The following RASGEF1A variants were observed in gnomAD, a reference collection of about 807,000 sequenced individuals.
RASGEF1A encodes the protein ras-GEF domain-containing family member 1A.
A neutral mutation model predicts 56.4 loss-of-function variants in RASGEF1A; 18 were observed. That is an observed-to-expected ratio of 0.32 (90% CI 0.22 to 0.47). The LOEUF (loss-of-function observed/expected upper bound fraction) is 0.47. RASGEF1A is among the 20% of genes least tolerant of loss of function. The probability of loss-of-function intolerance (pLI) is 1.00; values close to 1 mark genes in which losing one functional copy is unlikely to be tolerated. For missense variants in RASGEF1A, 422 were observed against 627.1 expected, an observed-to-expected ratio of 0.67 and a Z score of 3.49; for synonymous variants, 245 against 242.6, an observed-to-expected ratio of 1.01 and a Z score of -0.09.
intron 1 of RASGEF1A, among the ~76,000 whole-genome samples, chr10:43,211,233 G>T (rs1343389018): frequency 6.6e-6 from 1 of 152,192 alleles, no homozygotes; most frequent in African/African-American, 2.4e-5. Context: ...GCTGGTGAGA[G>T]GGGTGCCCTC....
At chr10:43,231,975 T>C (rs1237996815) in intron 1 of RASGEF1A, among the ~76,000 whole-genome samples, 1 of 152,206 alleles carries the variant, frequency 6.6e-6, no homozygotes, top group Non-Finnish European at 1.5e-5. Context: ...ACACCTCCTT[T>C]AGGGGCAGGG....
intron 1 of RASGEF1A, among the ~76,000 whole-genome samples, chr10:43,220,194 G>A (rs1219229640): frequency 6.6e-6 from 1 of 152,198 alleles, no homozygotes; most frequent in Non-Finnish European, 1.5e-5. Context: ...AATGTGTTGT[G>A]GTCCTTAGGG....
intron 1 of RASGEF1A, among the ~76,000 whole-genome samples, chr10:43,215,103 G>A (rs1840117956): frequency 1.3e-5 from 2 of 152,212 alleles, no homozygotes; most frequent in Non-Finnish European, 2.9e-5. Flanking sequence ...ACCTGCAGAT[G>A]ATTCGGGGGA....
At chr10:43,241,825 A>C (rs1044004264) in intron 1 of RASGEF1A, among the ~76,000 whole-genome samples, 1 of 152,042 alleles carries the variant, frequency 6.6e-6, no homozygotes, top group Non-Finnish European at 1.5e-5. Flanking sequence ...CTTTAGAGAG[A>C]AGAACACAAA....
intron 1 of RASGEF1A, among the ~76,000 whole-genome samples, chr10:43,230,632 GA>G (rs1186202677): frequency 6.6e-6 from 1 of 152,308 alleles, no homozygotes; most frequent in South Asian, 2.1e-4. Context: ...TGCTCAGCTT[GA>G]ACCTCACAGA....
chr10:43,229,746 T>C (rs1407512336), intron 1 of RASGEF1A: 2 of 1,322,118 alleles, frequency 1.5e-6, no homozygotes, highest in Non-Finnish European at 1.9e-6. Context: ...CACCCACTCC[T>C]GCGCCGGCCC....
chr10:43,199,852 C>A, intron 6 of RASGEF1A, 84 bp from the exon 7 acceptor site: 1 of 1,144,364 alleles, frequency 8.7e-7, no homozygotes, highest in East Asian at 2.5e-5. Flanking sequence ...TGGTCCCCAG[C>A]TATGGCTCAG....
In RASGEF1A at chr10:43,216,692, G is replaced by A. The variant is rs527873835; in HGVS notation, c.-6-10570C>T. 7.0e-4 allele frequency among the ~76,000 whole-genome samples: 107 copies of A among 152,276 alleles called. 1 individual carries two copies. In the South Asian group the frequency reaches 0.021, roughly 29 times the overall value. On this transcript the variant is annotated intron_variant, in intron 1 of 12. Transcript: ENST00000395810. ...CCACGTCACAGGGAAGAAACTGCCC[G>A]CCTTGGGGAGGGTAGAGGGCTGAGT...
At chr10:43,256,243 G>A (rs900761110) in intron 1 of RASGEF1A, among the ~76,000 whole-genome samples, 1 of 152,206 alleles carries the variant, frequency 6.6e-6, no homozygotes, top group South Asian at 2.1e-4. Flanking sequence ...GGGGGCAGGT[G>A]CGGCAGGTGC....
Position 43,206,203 on chromosome 10 carries a change from G to A in RASGEF1A, c.-6-81C>T, listed in dbSNP as rs557868548. 29 of 1,168,372 alleles carry A rather than the reference G, an allele frequency of 2.5e-5. 1 individual carries two copies. Among genetic ancestry groups the A allele is most frequent in the South Asian group, 1.3e-4 (9 of 71,896 alleles). The allele number at this position is 1,168,372 out of a possible 1,614,324, so 72.4% of individuals were successfully genotyped here. On this transcript the variant is annotated intron_variant, in intron 1 of 12. Coordinates refer to ENST00000395810, the MANE Select transcript of RASGEF1A (RefSeq NM_145313.4). ...ACCCTCCTCCCAGGCAGCCTGCAGC[G>A]TGCATGCATGTGTGCAGGGGTGCGT... is the stretch of plus-strand genomic sequence containing the variant.
At chr10:43,251,653 G>A (rs915355241) in intron 1 of RASGEF1A, among the ~76,000 whole-genome samples, 5 of 152,156 alleles carry the variant, frequency 3.3e-5, no homozygotes, top group Non-Finnish European at 5.9e-5. Flanking sequence ...TGTTAATTGC[G>A]AGCCCTGAGC....
intron 1 of RASGEF1A, among the ~76,000 whole-genome samples, chr10:43,248,746 G>C (rs1468360416): frequency 6.6e-6 from 1 of 152,088 alleles, no homozygotes; most frequent in Non-Finnish European, 1.5e-5. Flanking sequence ...TGAGTTTAAG[G>C]CTAGGTAATG....
At chr10:43,236,428 G>T (rs1043509585) in intron 1 of RASGEF1A, among the ~76,000 whole-genome samples, 1 of 152,236 alleles carries the variant, frequency 6.6e-6, no homozygotes, top group African/African-American at 2.4e-5. Flanking sequence ...ATGGGTGTGT[G>T]TACATAGTTG....
intron 1 of RASGEF1A, among the ~76,000 whole-genome samples, chr10:43,238,155 A>G (rs1294406422): frequency 2.8e-5 from 3 of 105,338 alleles, no homozygotes; most frequent in African/African-American, 4.2e-5. Flanking sequence ...GCCATCACAG[A>G]GTAACACCTG....
chr10:43,219,203 C>T (rs530828707), intron 1 of RASGEF1A, among the ~76,000 whole-genome samples: 8 of 152,226 alleles, frequency 5.3e-5, no homozygotes, highest in Non-Finnish European at 1.5e-5. Context: ...GCTCCCTCTT[C>T]GGCCAACGCC....
chr10:43,266,331 C>T (rs112501789), intron 1 of RASGEF1A, among the ~76,000 whole-genome samples: 2,635 of 152,306 alleles, frequency 0.017, 34 homozygotes, highest in Middle Eastern at 0.037. Flanking sequence ...TGGACCTCTC[C>T]CCCAAATGCA....
At chr10:43,202,661 C>T (rs1485214317) in intron 3 of RASGEF1A, 1 of 466,242 alleles carries the variant, frequency 2.1e-6, no homozygotes, top group Non-Finnish European at 4.4e-6. Context: ...CCCGCACCAC[C>T]CAGCCCGCAA....
chr10:43,210,970 T>G (rs1239942934), intron 1 of RASGEF1A, among the ~76,000 whole-genome samples: 1 of 143,540 alleles, frequency 7.0e-6, no homozygotes, highest in Non-Finnish European at 1.6e-5. Context: ...TCTGACTCCT[T>G]GGAGCAGCAG....
chr10:43,203,554 C>T (rs1839945174), intron 2 of RASGEF1A, 134 bp from the exon 3 acceptor site: 5 of 1,368,408 alleles, frequency 3.7e-6, no homozygotes, highest in Admixed American at 3.1e-5. Context: ...TTCACCTGCC[C>T]GGTTCCCTTC....
Sources: allele counts gnomAD v4.1 joint callset (sites outside exome capture counted in the v4.1 genomes callset), GRCh38; gene constraint gnomAD v4.1.1; transcripts MANE v1.5; gene names NCBI Gene and HGNC (gene_info 2026-07-23, HGNC 2026-07-21).